Variants in HDAC9 observed in about 807,000 individuals in gnomAD.
HDAC9 encodes the protein histone deacetylase 9, also known as MEF-2 interacting transcription repressor (MITR) protein.
A neutral mutation model predicts 139.4 loss-of-function variants in HDAC9; 41 were observed. The ratio of observed to expected loss-of-function variants is 0.29; its 90% confidence interval spans 0.23 to 0.38. The LOEUF is 0.38. Ranked by LOEUF, HDAC9 falls within the 10% of genes least tolerant of loss-of-function variation. HDAC9 has a pLI of 1.00. For missense variants in HDAC9, 1,147 were observed against 1,297.0 expected, an observed-to-expected ratio of 0.88 and a Z score of 1.78; for synonymous variants, 517 against 476.2, an observed-to-expected ratio of 1.09 and a Z score of -1.12.
At chr7:18,252,011 A>G (rs561594520) in intron 2 of HDAC9, among the ~76,000 whole-genome samples, 5 of 152,194 alleles carry the variant, frequency 3.3e-5, no homozygotes, top group East Asian at 1.9e-4. Flanking sequence ...TATCACTATC[A>G]TGCAAATAAT....
At chr7:18,717,533 G>T (rs1232172815) in intron 12 of HDAC9, among the ~76,000 whole-genome samples, 1 of 150,972 alleles carries the variant, frequency 6.6e-6, no homozygotes, top group African/African-American at 2.4e-5. Context: ...CCAGGTTCAA[G>T]TGATTCTCCT....
chr7:18,417,632 C>T (rs1789207046), intron 1 of HDAC9, among the ~76,000 whole-genome samples: 1 of 152,066 alleles, frequency 6.6e-6, no homozygotes, highest in Non-Finnish European at 1.5e-5. Context: ...TAGTTTTTGA[C>T]TAATTATTTT....
chr7:18,649,384 C>G (rs28726229), intron 11 of HDAC9, among the ~76,000 whole-genome samples: 5,433 of 152,188 alleles, frequency 0.036, 354 homozygotes, highest in African/African-American at 0.12. Flanking sequence ...AGTTTTTCCA[C>G]TACTTTTTGC....
At chr7:18,612,363 T>C (rs1418504135) in intron 6 of HDAC9, among the ~76,000 whole-genome samples, 1 of 152,176 alleles carries the variant, frequency 6.6e-6, no homozygotes, top group Non-Finnish European at 1.5e-5. Flanking sequence ...TCTTTGGATT[T>C]ATTACTAGGA....
Position 18,874,332 on chromosome 7 carries a change from G to A in HDAC9, c.2685-146G>A, listed in dbSNP as rs191090130. 6.1e-5 allele frequency: 29 copies of A among 476,462 alleles called. No individual in the cohort carries two copies. In the Admixed American group the frequency reaches 7.1e-4, roughly 12 times the overall value. The allele number at this position is 476,462 out of a possible 1,614,324, so 29.5% of individuals were successfully genotyped here. A position where few individuals can be genotyped will look rare whatever the true frequency, so the allele number is the denominator to read the frequency against. On this transcript the variant is annotated intron_variant, in intron 21 of 25. Coordinates refer to ENST00000686413, the MANE Select transcript of HDAC9 (RefSeq NM_178425.4). ...CGATTTATTATTAAGGAAATGATAC[G>A]CTTTTGTCCCATTCAAATAATGTTT...
At chr7:18,187,165 T>C (rs1010097933) in intron 2 of HDAC9, among the ~76,000 whole-genome samples, 1 of 152,172 alleles carries the variant, frequency 6.6e-6, no homozygotes, top group Admixed American at 6.5e-5. Context: ...TAACAGTCAG[T>C]GAAAATAAAG....
chr7:18,559,316 G>A (rs1231793558), intron 2 of HDAC9, among the ~76,000 whole-genome samples: 1 of 152,110 alleles, frequency 6.6e-6, no homozygotes, highest in African/African-American at 2.4e-5. Context: ...GATTAGGTGG[G>A]TCATCTTTGC....
intron 10 of HDAC9, 140 bp downstream of exon 10, chr7:18,648,138 G>T: frequency 1.4e-6 from 1 of 697,070 alleles, no homozygotes; most frequent in South Asian, 1.9e-5. Context: ...GGTACTGTGG[G>T]AAAGGCTATC....
intron 11 of HDAC9, among the ~76,000 whole-genome samples, chr7:18,663,640 G>A (rs1793908381): frequency 6.6e-6 from 1 of 152,060 alleles, no homozygotes; most frequent in Non-Finnish European, 1.5e-5. Context: ...GTATCTACTT[G>A]AATCCTTAGT....
At chr7:18,443,800 G>C (rs1478113247) in intron 1 of HDAC9, among the ~76,000 whole-genome samples, 1 of 151,440 alleles carries the variant, frequency 6.6e-6, no homozygotes, top group Non-Finnish European at 1.5e-5. Flanking sequence ...CTCTGTGTGT[G>C]TGTGTATATA....
chr7:18,248,881 C>A (rs1273526210), intron 2 of HDAC9, among the ~76,000 whole-genome samples: 1 of 152,084 alleles, frequency 6.6e-6, no homozygotes, highest in Non-Finnish European at 1.5e-5. Flanking sequence ...TTGGATTATT[C>A]AAAAAATATA....
At chr7:18,235,304 C>T (rs1306090799) in intron 2 of HDAC9, among the ~76,000 whole-genome samples, 2 of 151,846 alleles carry the variant, frequency 1.3e-5, no homozygotes, top group East Asian at 3.9e-4. Flanking sequence ...GGAAATATAC[C>T]TCCGAGAGAC....
chr7:18,557,617 T>A (rs1819248243), intron 2 of HDAC9, among the ~76,000 whole-genome samples: 1 of 150,084 alleles, frequency 6.7e-6, no homozygotes, highest in South Asian at 2.1e-4. Context: ...TTGACCTTTT[T>A]TTCTCTTGTA....
At chr7:18,751,018 A>T (rs906206342) in intron 14 of HDAC9, among the ~76,000 whole-genome samples, 4 of 152,196 alleles carry the variant, frequency 2.6e-5, no homozygotes, top group African/African-American at 9.6e-5. Context: ...CCTGAAGGAG[A>T]ACTGTTTATG....
At chr7:18,991,624 G>C (rs1785974513) in intron 25 of HDAC9, among the ~76,000 whole-genome samples, 1 of 149,970 alleles carries the variant, frequency 6.7e-6, no homozygotes, top group African/African-American at 2.5e-5. Context: ...GTGACAGTGA[G>C]AGACTCCGTC....
chr7:18,847,163 G>A (rs2129220593), intron 21 of HDAC9, among the ~76,000 whole-genome samples: 1 of 152,224 alleles, frequency 6.6e-6, no homozygotes, highest in East Asian at 1.9e-4. Context: ...TTCTCAGATT[G>A]GAGGAAAGGG....
chr7:18,324,176 G>A (rs142415944), intron 1 of HDAC9, among the ~76,000 whole-genome samples: 3 of 152,198 alleles, frequency 2.0e-5, no homozygotes, highest in African/African-American at 7.2e-5. Context: ...GGGAGTCAAA[G>A]AAGTGGCATT....
chr7:18,283,557 T>A lies in HDAC9; in HGVS notation c.25+121208T>A, dbSNP rs375710816. Among the ~76,000 whole-genome samples the A allele has an allele frequency of 7.8e-4, 119 of 152,300 alleles. No homozygotes were observed. The South Asian group carries it at 0.022, about 29-fold the overall frequency. On this transcript the variant is annotated intron_variant, in intron 2 of 12. Transcript: ENST00000417496. ...TATGGCTATTATTTGGTGAACTGATTATCATTCTTTTTTGCATAATAGGTT... is the reference window on the plus strand; with the variant it reads ...TATGGCTATTATTTGGTGAACTGATAATCATTCTTTTTTGCATAATAGGTT...
intron 22 of HDAC9, among the ~76,000 whole-genome samples, chr7:18,901,969 C>G (rs76241082): frequency 0.038 from 5,829 of 152,220 alleles, 295 homozygotes; most frequent in East Asian, 0.2. Context: ...CTTTCAGGAA[C>G]CCTGTAAAGT....
Sources: allele counts gnomAD v4.1 joint callset (sites outside exome capture counted in the v4.1 genomes callset), GRCh38; gene constraint gnomAD v4.1.1; transcripts MANE v1.5; gene names NCBI Gene and HGNC (gene_info 2026-07-23, HGNC 2026-07-21).